The following NCOA3 variants were observed in gnomAD, a reference collection of about 807,000 sequenced individuals.
NCOA3 encodes CBP-interacting protein.
In NCOA3, 51 loss-of-function variants were observed where a neutral mutation model predicts 158.8. The ratio of observed to expected loss-of-function variants is 0.32; its 90% confidence interval spans 0.26 to 0.41. NCOA3 has a LOEUF of 0.41. Ranked by LOEUF, NCOA3 falls within the 10% of genes least tolerant of loss-of-function variation. The pLI is 1.00. For synonymous variants in NCOA3, 537 were observed against 592.4 expected (o/e 0.91, Z 1.36); for missense variants, 1,510 against 1,746.6 (o/e 0.86, Z 2.41).
At chr20:47,543,223 AAAG>A (rs1211852901) in intron 1 of NCOA3, among the ~76,000 whole-genome samples, 2 of 152,116 alleles carry the variant, frequency 1.3e-5, no homozygotes, top group Non-Finnish European at 2.9e-5. Flanking sequence ...GAGAAGGAGA[AAAG>A]GAGGAGGGAA....
intron 8 of NCOA3, among the ~76,000 whole-genome samples, chr20:47,628,980 C>G (rs1413105086): frequency 3.9e-5 from 6 of 152,126 alleles, no homozygotes; most frequent in Non-Finnish European, 8.8e-5. Context: ...AAGATCATGG[C>G]TAATAAGAAA....
At chr20:47,567,526 C>T (rs2085216471) in intron 1 of NCOA3, among the ~76,000 whole-genome samples, 1 of 151,956 alleles carries the variant, frequency 6.6e-6, no homozygotes, top group Non-Finnish European at 1.5e-5. Flanking sequence ...CTCAACCTCC[C>T]AAGTAGTTGG....
chr20:47,513,835 G>A (rs1338652863), intron 1 of NCOA3, among the ~76,000 whole-genome samples: 1 of 151,930 alleles, frequency 6.6e-6, no homozygotes, highest in Non-Finnish European at 1.5e-5. Context: ...GCTCTTGAGT[G>A]CCAGTTACTT....
In NCOA3 at chr20:47,639,097, C is replaced by A. The variant is rs773220509; in HGVS notation, c.2602C>A (p.Pro868Thr). Residue 868 changes from proline to threonine, a missense_variant, in exon 14 of 23, where the codon CCT (proline) becomes ACT (threonine). This residue lies in a region of NCOA3 where 1,017 missense variants were observed against 1,098.3 expected (regional missense o/e 0.93). Coordinates refer to ENST00000371998, the MANE Select transcript of NCOA3 (RefSeq NM_181659.3). ...TAGCCCTGTTTCTGTTGGCTCAAGTCCTCCAGTAAAAAATATCAGTGCTTT... is the reference window on the plus strand; with the variant it reads ...TAGCCCTGTTTCTGTTGGCTCAAGTACTCCAGTAAAAAATATCAGTGCTTT... ...LDSPVSVGSS[P>T]PVKNISAFPM... 1.4e-5 allele frequency: 22 copies of A among 1,614,018 alleles called. 2 individuals carry two copies. In the South Asian group the frequency reaches 2.3e-4, roughly 17 times the overall value.
At chr20:47,563,038 G>A (rs544893091) in intron 1 of NCOA3, among the ~76,000 whole-genome samples, 3 of 152,146 alleles carry the variant, frequency 2.0e-5, no homozygotes, top group Non-Finnish European at 2.9e-5. Context: ...GAGCCAACAC[G>A]CCTGGCTAAA....
intron 1 of NCOA3, among the ~76,000 whole-genome samples, chr20:47,533,302 AAAG>A (rs2084577860): frequency 6.8e-6 from 1 of 146,210 alleles, no homozygotes; most frequent in Admixed American, 6.8e-5. Flanking sequence ...AAAAAAAAAA[AAAG>A]ATCATTGATT....
intron 8 of NCOA3, among the ~76,000 whole-genome samples, chr20:47,631,856 GAT>G (rs2086423458): frequency 6.6e-6 from 1 of 152,182 alleles, no homozygotes; most frequent in East Asian, 1.9e-4. Context: ...GAGTTTGTGT[GAT>G]ATATATTCTG....
At chr20:47,644,329 C>G (rs72645288) in intron 17 of NCOA3, among the ~76,000 whole-genome samples, 1 of 152,042 alleles carries the variant, frequency 6.6e-6, no homozygotes, top group South Asian at 2.1e-4. Flanking sequence ...TTAGTAGAGA[C>G]GGGGTTTCAC....
At chr20:47,557,039 A>G (rs1046496132) in intron 1 of NCOA3, among the ~76,000 whole-genome samples, 1 of 152,180 alleles carries the variant, frequency 6.6e-6, no homozygotes, top group South Asian at 2.1e-4. Flanking sequence ...TGGATAGTCT[A>G]ATAATAAACC....
intron 15 of NCOA3, 49 bp from the exon 16 acceptor site, chr20:47,639,876 T>A (rs1160932960): frequency 2.5e-6 from 4 of 1,612,942 alleles, no homozygotes; most frequent in Non-Finnish European, 3.4e-6. Flanking sequence ...TGTTTCAGGA[T>A]AATTTTTGCT....
At chr20:47,633,413 C>A in intron 8 of NCOA3, 83 bp from the exon 9 acceptor site, 2 of 1,281,290 alleles carry the variant, frequency 1.6e-6, no homozygotes, top group Non-Finnish European at 2.2e-6. Flanking sequence ...TTATTTTATT[C>A]TCCAGTGCTA....
intron 16 of NCOA3, among the ~76,000 whole-genome samples, chr20:47,641,324 CTTTTTTTTTTTTTTTT>C (rs34173277): frequency 1.0e-5 from 1 of 96,600 alleles, no homozygotes; most frequent in Non-Finnish European, 2.0e-5. Context: ...CTCAACATTT[CTTTTTTTTTTTTTTTT>C]TTTTTGAGAC....
intron 21 of NCOA3, 39 bp downstream of exon 21, chr20:47,652,619 T>C: frequency 6.4e-7 from 1 of 1,562,104 alleles, no homozygotes; most frequent in Non-Finnish European, 8.8e-7. Flanking sequence ...CACATCCTAG[T>C]CCCAGAAGTC....
At chr20:47,511,560 T>TATATATACACATATA (rs1569310982) in intron 1 of NCOA3, among the ~76,000 whole-genome samples, 2 of 5,514 alleles carry the variant, frequency 3.6e-4, no homozygotes, top group Non-Finnish European at 1.3e-3. Context: ...TATATATTTC[T>TATATATACACATATA]TTTTTTTTTT....
rs1306849704 is a variant in NCOA3 at position 47,656,369 on chromosome 20, A to G, written c.*2952A>G. The G allele has an allele frequency of 6.6e-6, 1 of 152,134 alleles. No individual in the cohort carries two copies. The highest frequency in any genetic ancestry group is 1.5e-5 in the Non-Finnish European group (1 of 68,016). 9.4% of individuals were successfully genotyped at this position (152,134 alleles called of 1,614,324 possible). On this transcript the variant is annotated 3_prime_UTR_variant, in exon 23 of 23. Transcript: ENST00000371998. Reference sequence around the variant, plus strand: ...TATCTGAGGTGAGTTGGGGGTATCTATATTAGGGGTAGGGTATTACAGAAG... The same window carrying G: ...TATCTGAGGTGAGTTGGGGGTATCTGTATTAGGGGTAGGGTATTACAGAAG...
intron 4 of NCOA3, among the ~76,000 whole-genome samples, chr20:47,625,018 C>T (rs933085507): frequency 1.3e-5 from 2 of 152,158 alleles, no homozygotes; most frequent in African/African-American, 4.8e-5. Flanking sequence ...GGTGATCCAC[C>T]CGCCTCAGCC....
chr20:47,612,753 A>G (rs2086064705), intron 2 of NCOA3, among the ~76,000 whole-genome samples: 1 of 152,238 alleles, frequency 6.6e-6, no homozygotes. Context: ...GTAACCTTTA[A>G]AACAAAAGAG....
intron 1 of NCOA3, among the ~76,000 whole-genome samples, chr20:47,510,336 G>A (rs1040512564): frequency 6.8e-6 from 1 of 147,098 alleles, no homozygotes; most frequent in African/African-American, 2.5e-5. Context: ...AGGAGGCTGA[G>A]GCAGGAGAAT....
chr20:47,545,756 C>G (rs989802944), intron 1 of NCOA3, among the ~76,000 whole-genome samples: 8 of 151,616 alleles, frequency 5.3e-5, no homozygotes, highest in Non-Finnish European at 1.2e-4. Flanking sequence ...GGTCTGTCGC[C>G]TAGGCTGAAG....
Sources: gnomAD v4.1 joint callset for allele counts (sites outside exome capture counted in the v4.1 genomes callset) on GRCh38, gnomAD v4.1.1 for gene constraint, gnomAD v4.1.1 regional missense constraint, MANE v1.5 for transcripts, NCBI Gene and HGNC (gene_info 2026-07-23, HGNC 2026-07-21) for gene names.